Variants in SPAG16 observed in about 807,000 individuals in gnomAD.
The protein encoded by SPAG16 is sperm-associated antigen 16 protein.
A neutral mutation model predicts 80.4 loss-of-function variants in SPAG16; 86 were observed. The ratio of observed to expected loss-of-function variants is 1.07; its 90% CI spans 0.90 to 1.28. SPAG16 has a LOEUF of 1.28. Ranked by LOEUF, SPAG16 falls within the 50% of genes most tolerant of loss-of-function variation. The probability of loss-of-function intolerance (pLI) is 0.00; values close to 1 mark genes in which losing one functional copy is unlikely to be tolerated. For synonymous variants in SPAG16, 294 were observed against 265.9 expected (o/e 1.11, Z -1.03); for missense variants, 870 against 765.3 (o/e 1.14, Z -1.61).
In SPAG16 at chr2:214,133,438, C is replaced by G. The variant is rs145781500; in HGVS notation, c.1594-15702C>G. ...CTTTGGGAGGTCGAGGAAGGCAGAT[C>G]ACTTAAGGTCAGGAGTTCGAGACCA... On this transcript the variant is annotated intron_variant, in intron 14 of 15. Transcript: ENST00000331683. Among the ~76,000 whole-genome samples the G allele has an allele frequency of 4.0e-4, 61 of 152,178 alleles. 1 individual carries two copies. Among genetic ancestry groups the G allele is most frequent in the African/African-American group, 1.4e-3 (59 of 41,528 alleles).
chr2:213,580,208 C>T (rs1441156423), intron 10 of SPAG16, among the ~76,000 whole-genome samples: 1 of 152,064 alleles, frequency 6.6e-6, no homozygotes, highest in Non-Finnish European at 1.5e-5. Flanking sequence ...CACAAACAGG[C>T]CTATGGCATT....
intron 14 of SPAG16, among the ~76,000 whole-genome samples, chr2:214,110,801 G>A (rs1448146775): frequency 6.6e-6 from 1 of 152,048 alleles, no homozygotes; most frequent in East Asian, 1.9e-4. Flanking sequence ...AGCATCTGTT[G>A]TTTCCTGTTT....
intron 10 of SPAG16, among the ~76,000 whole-genome samples, chr2:213,535,102 C>G (rs1369825438): frequency 6.6e-6 from 1 of 151,866 alleles, no homozygotes; most frequent in Non-Finnish European, 1.5e-5. Flanking sequence ...ATTTTATTAC[C>G]TGGTCTATGG....
chr2:213,807,452 C>T (rs2071841172), intron 10 of SPAG16, among the ~76,000 whole-genome samples: 3 of 152,128 alleles, frequency 2.0e-5, no homozygotes, highest in Non-Finnish European at 1.5e-5. Flanking sequence ...TCTCTACTGA[C>T]CTCTAGACTT....
chr2:213,467,111 C>G (rs2072739228), intron 9 of SPAG16, among the ~76,000 whole-genome samples: 1 of 152,176 alleles, frequency 6.6e-6, no homozygotes, highest in Admixed American at 6.5e-5. Context: ...GATTTCTGTG[C>G]TCCCAATATT....
At chr2:213,564,234 A>T (rs920834421) in intron 10 of SPAG16, among the ~76,000 whole-genome samples, 6 of 151,872 alleles carry the variant, frequency 4.0e-5, no homozygotes, top group Non-Finnish European at 8.8e-5. Flanking sequence ...CTAGTAATTT[A>T]AAAAAAACGA....
At chr2:213,950,664 C>T in intron 12 of SPAG16, among the ~76,000 whole-genome samples, 1 of 145,876 alleles carries the variant, frequency 6.9e-6, no homozygotes, top group Non-Finnish European at 1.5e-5. Context: ...CTCCCTCCCT[C>T]CCTCCCTCCT....
At chr2:213,383,343 C>T (rs899431018) in intron 9 of SPAG16, among the ~76,000 whole-genome samples, 1 of 152,214 alleles carries the variant, frequency 6.6e-6, no homozygotes, top group East Asian at 1.9e-4. Context: ...ATCTTGCTGA[C>T]CCCTCTTGAC....
chr2:213,847,683 G>C (rs1010206895), intron 10 of SPAG16, among the ~76,000 whole-genome samples: 1 of 152,126 alleles, frequency 6.6e-6, no homozygotes, highest in Non-Finnish European at 1.5e-5. Flanking sequence ...TTTGATTCTT[G>C]TGCATTCTTA....
chr2:213,331,362 G>T (rs1416981112), intron 5 of SPAG16, among the ~76,000 whole-genome samples: 1 of 152,200 alleles, frequency 6.6e-6, no homozygotes, highest in African/African-American at 2.4e-5. Flanking sequence ...ATTATTTAAT[G>T]ATAGAGCAGT....
At chr2:214,362,034 G>A (rs1203030617) in intron 15 of SPAG16, among the ~76,000 whole-genome samples, 3 of 151,840 alleles carry the variant, frequency 2.0e-5, no homozygotes, top group Non-Finnish European at 4.4e-5. Flanking sequence ...ATTGTTTACT[G>A]TGGTAACAAA....
chr2:214,013,883 AT>A, intron 12 of SPAG16, 67 bp from the exon 13 acceptor site: 1 of 1,456,562 alleles, frequency 6.9e-7, no homozygotes. Flanking sequence ...TCCTTAAATT[AT>A]TTTTATTAGC....
At chr2:214,127,156 C>T (rs781595229) in intron 14 of SPAG16, among the ~76,000 whole-genome samples, 26 of 151,912 alleles carry the variant, frequency 1.7e-4, no homozygotes, top group Non-Finnish European at 1.6e-4. Context: ...CTCTAATTGT[C>T]AATCCCTGCC....
At chr2:214,282,919 C>CGACT (rs1693063786) in intron 15 of SPAG16, among the ~76,000 whole-genome samples, 2 of 151,956 alleles carry the variant, frequency 1.3e-5, no homozygotes, top group Non-Finnish European at 2.9e-5. Flanking sequence ...CCTTTACCTT[C>CGACT]GACTGACAGA....
At chr2:213,666,018 G>A (rs967245476) in intron 10 of SPAG16, among the ~76,000 whole-genome samples, 3 of 152,158 alleles carry the variant, frequency 2.0e-5, no homozygotes, top group African/African-American at 7.2e-5. Flanking sequence ...ACCTTAGTTA[G>A]AAACATGTGG....
chr2:213,742,452 T>A (rs372866994), intron 10 of SPAG16, among the ~76,000 whole-genome samples: 1 of 152,148 alleles, frequency 6.6e-6, no homozygotes, highest in Admixed American at 6.5e-5. Flanking sequence ...ATAAATTTAC[T>A]CACGTATTTA....
At chr2:213,527,305 G>T (rs976052660) in intron 10 of SPAG16, among the ~76,000 whole-genome samples, 1 of 152,190 alleles carries the variant, frequency 6.6e-6, no homozygotes, top group Admixed American at 6.5e-5. Context: ...CCTACAAGCT[G>T]CTTGGTTTTA....
At chr2:213,771,857 T>C (rs1408202245) in intron 10 of SPAG16, among the ~76,000 whole-genome samples, 1 of 152,180 alleles carries the variant, frequency 6.6e-6, no homozygotes, top group East Asian at 1.9e-4. Context: ...TGTAGCCTTG[T>C]AATATAGTTT....
chr2:214,047,038 A>G (rs755109318), intron 13 of SPAG16, among the ~76,000 whole-genome samples: 2 of 152,098 alleles, frequency 1.3e-5, no homozygotes, highest in African/African-American at 4.8e-5. Flanking sequence ...TTTGAAGAGA[A>G]TGCCAAAAAT....
Sources: gnomAD v4.1 joint callset for allele counts (sites outside exome capture counted in the v4.1 genomes callset) on GRCh38, gnomAD v4.1.1 for gene constraint, MANE v1.5 for transcripts, NCBI Gene and HGNC (gene_info 2026-07-23, HGNC 2026-07-21) for gene names.